Variants in UTRN observed in about 807,000 individuals in gnomAD.
The protein encoded by UTRN is utrophin, also known as dystrophin-related protein 1.
A neutral mutation model predicts 463.9 loss-of-function variants in UTRN; 283 were observed. The ratio of observed to expected loss-of-function variants is 0.61; its 90% CI spans 0.55 to 0.67. The LOEUF (loss-of-function observed/expected upper bound fraction) is 0.67. Ranked by LOEUF, UTRN falls within the 30% of genes least tolerant of loss-of-function variation. UTRN has a pLI of 0.00. For missense variants in UTRN, 3,922 were observed against 4,084.3 expected (o/e 0.96, Z 1.08); for synonymous variants, 1,442 against 1,431.5 (o/e 1.01, Z -0.17).
intron 51 of UTRN, among the ~76,000 whole-genome samples, chr6:144,651,673 G>C (rs927255425): frequency 2.0e-5 from 3 of 152,162 alleles, no homozygotes; most frequent in African/African-American, 7.2e-5. Flanking sequence ...AATTTTTAGT[G>C]AGGAAGTTAT....
At chr6:144,704,738 C>T (rs187368318) in intron 53 of UTRN, among the ~76,000 whole-genome samples, 3 of 152,130 alleles carry the variant, frequency 2.0e-5, no homozygotes, top group East Asian at 1.9e-4. Flanking sequence ...CTAAGGCAGG[C>T]GGATCATGAG....
chr6:144,807,749 A>G (rs1296654043), intron 65 of UTRN, among the ~76,000 whole-genome samples: 2 of 152,040 alleles, frequency 1.3e-5, no homozygotes, highest in African/African-American at 2.4e-5. Context: ...ATTTGATTCT[A>G]TGTTCCCTTG....
At chr6:144,511,576 A>T (rs1316782861) in intron 35 of UTRN, among the ~76,000 whole-genome samples, 1 of 152,178 alleles carries the variant, frequency 6.6e-6, no homozygotes, top group African/African-American at 2.4e-5. Context: ...TCTAAACCTC[A>T]GTTGTTTAAT....
intron 69 of UTRN, 122 bp from the exon 70 acceptor site, chr6:144,835,656 ACT>A (rs1781038162): frequency 7.9e-7 from 1 of 1,271,496 alleles, no homozygotes; most frequent in Non-Finnish European, 1.1e-6. Flanking sequence ...TCATGGAGAC[ACT>A]GAGCTCTAAG....
intron 54 of UTRN, among the ~76,000 whole-genome samples, chr6:144,742,938 G>C (rs1398889824): frequency 1.3e-5 from 2 of 152,080 alleles, no homozygotes; most frequent in African/African-American, 2.4e-5. Flanking sequence ...GTATAAATAA[G>C]GTATTTGGAA....
At chr6:144,763,651 G>A (rs1792958415) in intron 58 of UTRN, among the ~76,000 whole-genome samples, 1 of 152,104 alleles carries the variant, frequency 6.6e-6, no homozygotes, top group African/African-American at 2.4e-5. Context: ...CCCTAAATAT[G>A]GTCAGAGAGG....
intron 51 of UTRN, among the ~76,000 whole-genome samples, chr6:144,590,536 G>A (rs1585429853): frequency 6.6e-6 from 1 of 152,180 alleles, no homozygotes; most frequent in Middle Eastern, 3.4e-3. Flanking sequence ...TAAGAAATAT[G>A]TATATATTTT....
chr6:144,616,379 G>A (rs1806098532), intron 51 of UTRN, among the ~76,000 whole-genome samples: 1 of 152,222 alleles, frequency 6.6e-6, no homozygotes, highest in Admixed American at 6.5e-5. Flanking sequence ...ATAAAGATGA[G>A]AGAAATAACT....
At chr6:144,572,033 G>T (rs544245453) in intron 50 of UTRN, among the ~76,000 whole-genome samples, 1 of 152,202 alleles carries the variant, frequency 6.6e-6, no homozygotes, top group African/African-American at 2.4e-5. Flanking sequence ...TTGTTTGTTT[G>T]TTTTGGTTTG....
chr6:144,635,200 A>T (rs1393913079), intron 51 of UTRN, among the ~76,000 whole-genome samples: 1 of 140,476 alleles, frequency 7.1e-6, no homozygotes. Flanking sequence ...CCCAGGCTAG[A>T]GTCCAAGTAG....
At chr6:144,848,495 T>A (rs1413321633) in intron 74 of UTRN, among the ~76,000 whole-genome samples, 1 of 152,150 alleles carries the variant, frequency 6.6e-6, no homozygotes, top group South Asian at 2.1e-4. Flanking sequence ...AAATGTCCAG[T>A]GTGGGAGACA....
chr6:144,711,766 T>A (rs1267973106), intron 53 of UTRN, among the ~76,000 whole-genome samples: 1 of 152,228 alleles, frequency 6.6e-6, no homozygotes, highest in Non-Finnish European at 1.5e-5. Context: ...TAATTTCTTG[T>A]TTGTGTGTTC....
chr6:144,715,421 C>T (rs2128705825), intron 53 of UTRN, among the ~76,000 whole-genome samples: 1 of 152,264 alleles, frequency 6.6e-6, no homozygotes, highest in East Asian at 1.9e-4. Context: ...GTAGGGGCTT[C>T]CTAACTTATT....
chr6:144,521,129 T>C (rs1347531671), intron 39 of UTRN, among the ~76,000 whole-genome samples: 1 of 151,950 alleles, frequency 6.6e-6, no homozygotes, highest in Non-Finnish European at 1.5e-5. Context: ...CTACTAAATA[T>C]ATAAAAGTTA....
chr6:144,600,982 A>G (rs1477308278), intron 51 of UTRN, among the ~76,000 whole-genome samples: 2 of 152,210 alleles, frequency 1.3e-5, no homozygotes, highest in African/African-American at 4.8e-5. Context: ...TCTGTGCTCA[A>G]TAAATGGAAC....
At chr6:144,546,815 A>AAAACAAACAAAC (rs140082062) in intron 46 of UTRN, among the ~76,000 whole-genome samples, 1 of 151,864 alleles carries the variant, frequency 6.6e-6, no homozygotes, top group African/African-American at 2.4e-5. Context: ...TCTCAAAGAA[A>AAAACAAACAAAC]AAACAAACAA....
intron 51 of UTRN, among the ~76,000 whole-genome samples, chr6:144,630,230 A>G (rs1776369571): frequency 6.6e-6 from 1 of 152,148 alleles, no homozygotes; most frequent in Admixed American, 6.5e-5. Flanking sequence ...ATTGGGAGTT[A>G]CTAAGCATAT....
At chr6:144,737,815 A>C (rs1286786313) in intron 54 of UTRN, among the ~76,000 whole-genome samples, 1 of 141,764 alleles carries the variant, frequency 7.1e-6, no homozygotes, top group African/African-American at 2.8e-5. Context: ...TTTTCCTTTT[A>C]ATGCAATTGA....
chr6:144,741,946 C>T (rs777958451), intron 54 of UTRN, among the ~76,000 whole-genome samples: 52 of 152,112 alleles, frequency 3.4e-4, no homozygotes, highest in African/African-American at 1.1e-3. Flanking sequence ...CCCTCCAAAG[C>T]GTGTTTTGTA....
Sources: gnomAD v4.1 joint callset for allele counts (sites outside exome capture counted in the v4.1 genomes callset) on GRCh38, gnomAD v4.1.1 for gene constraint, MANE v1.5 for transcripts, NCBI Gene and HGNC (gene_info 2026-07-23, HGNC 2026-07-21) for gene names.